The following SGSM3 variants were observed in gnomAD, a reference collection of about 807,000 sequenced individuals.
SGSM3 encodes the protein RUN and SH3 containing 3.
SGSM3 carries 96 observed loss-of-function variants against 100.5 expected under a neutral mutation model. The observed-to-expected ratio is 0.96, with a 90% confidence interval of 0.81 to 1.13. The LOEUF (loss-of-function observed/expected upper bound fraction) is 1.13. Ranked by LOEUF, SGSM3 falls within the 50% of genes most tolerant of loss-of-function variation. The probability of loss-of-function intolerance (pLI) is 0.00; values close to 1 mark genes in which losing one functional copy is unlikely to be tolerated. For synonymous variants in SGSM3, 483 were observed against 422.8 expected (o/e 1.14, Z -1.75); for missense variants, 1,001 against 1,015.8 (o/e 0.99, Z 0.20).
At chr22:40,409,170 C>G (rs2052179216) in intron 19 of SGSM3, 80 bp from the exon 20 acceptor site, 4 of 1,557,132 alleles carry the variant, frequency 2.6e-6, no homozygotes, top group Non-Finnish European at 3.5e-6. Context: ...TGCTGAGAGA[C>G]AGGTCAGAGG....
chr22:40,408,606 C>A (rs1026885035), intron 16 of SGSM3, 21 bp from the exon 17 acceptor site: 55 of 1,613,230 alleles, frequency 3.4e-5, no homozygotes, highest in Middle Eastern at 3.3e-4. Context: ...CCTGCACTCA[C>A]ACCGTGTGCT....
At chr22:40,394,761 C>A (rs2049837807) in intron 1 of SGSM3, among the ~76,000 whole-genome samples, 1 of 151,926 alleles carries the variant, frequency 6.6e-6, no homozygotes. Flanking sequence ...CATCACTACT[C>A]TTCTAGATCT....
chr22:40,409,172 G>T (rs1333508719), intron 19 of SGSM3, 78 bp from the exon 20 acceptor site: 2 of 1,557,120 alleles, frequency 1.3e-6, no homozygotes. Context: ...CTGAGAGACA[G>T]GTCAGAGGCT....
At chr22:40,394,880 T>C (rs756309626) in intron 1 of SGSM3, among the ~76,000 whole-genome samples, 1 of 152,206 alleles carries the variant, frequency 6.6e-6, no homozygotes, top group African/African-American at 2.4e-5. Flanking sequence ...TGCCACTTTG[T>C]AACCTATTGT....
chr22:40,407,803 G>A lies in SGSM3; in HGVS notation c.1539G>A (p.Lys513=). 1 of 1,614,026 alleles carries A rather than the reference G, an allele frequency of 6.2e-7. No individual in the cohort carries two copies. The highest frequency in any genetic ancestry group is 2.2e-5 in the East Asian group (1 of 44,886). The change falls in exon 14 of 22, where the codon AAG becomes AAA. Residue 513 remains lysine (K), a synonymous_variant. Coordinates refer to ENST00000248929, the MANE Select transcript of SGSM3 (RefSeq NM_015705.6). The surrounding 1 kb of genome is among the most constrained non-coding windows in gnomAD (Gnocchi z 4.7). ...CTCCTGTGCAGATCGTGTCTCAGAA[G>A]GACGAGCACTGCTGGGTGGGGGAGC... ...KNDIITIVSQ[K]DEHCWVGELN...
At chr22:40,409,645 CCAAG>C in intron 21 of SGSM3, 33 bp from the exon 22 acceptor site, 1 of 1,613,270 alleles carries the variant, frequency 6.2e-7, no homozygotes, top group Non-Finnish European at 8.5e-7. Flanking sequence ...CCAGCCATGC[CCAAG>C]GCCTGTGAGG....
At position 40,407,796 on chromosome 22, in the gene SGSM3, C is replaced by G; in HGVS notation, c.1532C>G (p.Ser511Cys). 1 of 1,613,982 alleles carries G rather than the reference C, an allele frequency of 6.2e-7. No homozygotes were observed. The highest frequency in any genetic ancestry group is 8.5e-7 in the Non-Finnish European group (1 of 1,180,018). Residue 511 changes from serine (S) to cysteine (C), a missense_variant, in exon 14 of 22, where the codon TCT (serine) becomes TGT (cysteine). Physicochemically the swap from Ser to Cys is moderately radical, Grantham distance 112. Transcript: ENST00000248929. The surrounding 1 kb of genome is among the most constrained non-coding windows in gnomAD (Gnocchi z 4.7). ...GTTTTTCCTCCTGTGCAGATCGTGT[C>G]TCAGAAGGACGAGCACTGCTGGGTG... ...FRKNDIITIV[S>C]QKDEHCWVGE... is the part of the protein sequence containing the mutation.
In SGSM3 at chr22:40,408,456, C is replaced by T. The variant is rs1330960858; in HGVS notation, c.1782+27C>T. ...TAAGTCAGTGGCTGGGCCCATGACC[C>T]CCACCCTGCACCAGCCCTGCTGTGC... On this transcript the variant is annotated intron_variant, in intron 16 of 21. Coordinates refer to ENST00000248929, the MANE Select transcript of SGSM3 (RefSeq NM_015705.6). The T allele has an allele frequency of 4.3e-6, 7 of 1,612,700 alleles. No homozygotes were observed. In the South Asian group the frequency reaches 6.6e-5, roughly 15 times the overall value.
chr22:40,408,155 C>G, intron 15 of SGSM3, 35 bp downstream of exon 15: 1 of 1,610,636 alleles, frequency 6.2e-7, no homozygotes. Context: ...ACGGCTGGCA[C>G]CCTTCTAGCC....
intron 1 of SGSM3, among the ~76,000 whole-genome samples, chr22:40,375,660 CAG>C (rs1449561143): frequency 2.1e-5 from 3 of 140,794 alleles, no homozygotes; most frequent in Non-Finnish European, 4.7e-5. Flanking sequence ...CCAATTAAGA[CAG>C]AGAATTTTTT....
chr22:40,379,576 C>T (rs1333031170), intron 1 of SGSM3: 3 of 152,194 alleles, frequency 2.0e-5, no homozygotes, highest in African/African-American at 4.8e-5. Flanking sequence ...AGTTCAGGCC[C>T]GTGCAGTGCC....
intron 16 of SGSM3, 39 bp downstream of exon 16, chr22:40,408,468 C>T (rs774818420): frequency 5.0e-6 from 8 of 1,609,042 alleles, no homozygotes; most frequent in Non-Finnish European, 6.8e-6. Context: ...CACCCTGCAC[C>T]AGCCCTGCTG....
intron 15 of SGSM3, 29 bp downstream of exon 15, chr22:40,408,149 C>G: frequency 1.2e-6 from 2 of 1,611,238 alleles, no homozygotes; most frequent in Non-Finnish European, 1.7e-6. Flanking sequence ...CTAGGCACGG[C>G]TGGCACCCTT....
Position 40,407,350 on chromosome 22 carries a change from C to T in SGSM3, c.1368+22C>T, listed in dbSNP as rs202112063. On this transcript the variant is annotated intron_variant, in intron 12 of 21. Transcript: ENST00000248929. This position sits in a 1 kb window ranked among gnomAD's most constrained non-coding sequence, Gnocchi z 4.7. ...CGTGGTGAGTCGCCAGCTCCCTGGGCTGCTACCAAACACGGCCCTAACTCC... is the reference window on the plus strand; with the variant it reads ...CGTGGTGAGTCGCCAGCTCCCTGGGTTGCTACCAAACACGGCCCTAACTCC... 6.2e-7 allele frequency: 1 copy of T among 1,613,164 alleles called. No individual in the cohort carries two copies. The highest frequency in any genetic ancestry group is 1.3e-5 in the African/African-American group (1 of 75,058).
At chr22:40,384,117 G>A (rs565417454) in intron 1 of SGSM3, among the ~76,000 whole-genome samples, 3 of 152,148 alleles carry the variant, frequency 2.0e-5, no homozygotes, top group South Asian at 4.1e-4. Flanking sequence ...GATGGCATGC[G>A]CCCGTAGTCC....
At position 40,388,480 on chromosome 22, in the gene SGSM3, TGAGGCTGCAGGGAGTAGCA is replaced by T. The variant is rs142485577; in HGVS notation, c.-111-12214_-111-12196del. Among the ~76,000 whole-genome samples, 1,353 of 152,238 alleles carry T rather than the reference TGAGGCTGCAGGGAGTAGCA, an allele frequency of 8.9e-3. 13 individuals carry two copies. Among genetic ancestry groups the T allele is most frequent in the African/African-American group, 0.029 (1,225 of 41,538 alleles). On this transcript the variant is annotated intron_variant, in intron 1 of 21. Coordinates refer to ENST00000248929, the MANE Select transcript of SGSM3 (RefSeq NM_015705.6). ...CAAGTGCGAGGCAGGTGTTCAGAGA[TGAGGCTGCAGGGAGTAGCA>T]GGGGCTGCTAGGTCATGCAGGGTCT...
In SGSM3 at chr22:40,384,127, CT is replaced by C. The variant is rs145508352; in HGVS notation, c.-112+13440del. 3.3e-3 allele frequency among the ~76,000 whole-genome samples: 504 copies of C among 152,216 alleles called. 2 individuals carry two copies. Among genetic ancestry groups the C allele is most frequent in the African/African-American group, 0.012 (480 of 41,524 alleles). ...GTCATGATGGCATGCGCCCGTAGTC[CT>C]AGCTACTCAGGAGGCTGAGGAGAGA... On this transcript the variant is annotated intron_variant, in intron 1 of 21. Transcript: ENST00000248929.
chr22:40,387,351 A>G, intron 1 of SGSM3: 1 of 395,396 alleles, frequency 2.5e-6, no homozygotes, highest in East Asian at 3.6e-5. Flanking sequence ...ATATCTGCAA[A>G]TGAAACATTT....
intron 15 of SGSM3, 59 bp from the exon 16 acceptor site, chr22:40,408,218 G>C (rs991315778): frequency 6.2e-7 from 1 of 1,607,958 alleles, no homozygotes; most frequent in South Asian, 1.1e-5. Flanking sequence ...AGAGGACAGA[G>C]GAGGGTGACT....
Sources: gnomAD v4.1 joint callset for allele counts (sites outside exome capture counted in the v4.1 genomes callset) on GRCh38, gnomAD v4.1.1 for gene constraint, Gnocchi (gnomAD v3.1) non-coding constraint, MANE v1.5 for transcripts, NCBI Gene and HGNC (gene_info 2026-07-23, HGNC 2026-07-21) for gene names.